SVEP1: variants seen among roughly 807,000 people sequenced by gnomAD.
The protein encoded by SVEP1 is sushi, von Willebrand factor type A, EGF and pentraxin domain containing 1.
SVEP1 carries 164 observed loss-of-function variants against 367.3 expected under a neutral mutation model. That is an observed-to-expected ratio of 0.45 (90% CI 0.39 to 0.51). The LOEUF (loss-of-function observed/expected upper bound fraction) is 0.51. SVEP1 is among the 20% of genes least tolerant of loss of function. SVEP1 has a pLI of 0.00. For missense variants in SVEP1, 4,117 were observed against 4,425.3 expected (o/e 0.93, Z 1.98); for synonymous variants, 1,666 against 1,611.6 (o/e 1.03, Z -0.81).
chr9:110,409,099 A>G (rs1588039612), intron 37 of SVEP1, 148 bp from the exon 38 acceptor site: 1 of 960,166 alleles, frequency 1.0e-6, no homozygotes, highest in East Asian at 2.7e-5. Flanking sequence ...GGTTTTTCCA[A>G]TAGATCCATT....
At chr9:110,387,154 T>G in intron 42 of SVEP1, 131 bp downstream of exon 42, 1 of 842,732 alleles carries the variant, frequency 1.2e-6, no homozygotes, top group Admixed American at 3.0e-5. Context: ...AGAATTCAGC[T>G]TGGATAGGCA....
At chr9:110,525,265 C>A (rs75189789) in intron 3 of SVEP1, among the ~76,000 whole-genome samples, 4 of 152,034 alleles carry the variant, frequency 2.6e-5, no homozygotes, top group Non-Finnish European at 5.9e-5. Context: ...AGCAAAGTTG[C>A]AGGACACAAT....
intron 22 of SVEP1, 150 bp from the exon 23 acceptor site, chr9:110,451,552 CTTCTA>C (rs1333138433): frequency 1.3e-5 from 7 of 559,940 alleles, no homozygotes; most frequent in Non-Finnish European, 2.1e-5. Context: ...TAAAATGTTT[CTTCTA>C]TTCTGTGAAC....
intron 13 of SVEP1, among the ~76,000 whole-genome samples, chr9:110,479,311 ATCT>A (rs1046875150): frequency 1.8e-4 from 27 of 152,202 alleles, no homozygotes; most frequent in Non-Finnish European, 2.9e-5. Context: ...GTGTCCAATT[ATCT>A]TCTTATCATA....
Position 110,472,303 on chromosome 9 carries a change from C to T in SVEP1, c.2620G>A (p.Ala874Thr), listed in dbSNP as rs1419559181. ...TCGTAAGAGTAATCCAGCCTATTAG[C>T]TGCACCCCAGCCACCTGGTCCTGGA... Reference protein sequence around the residue: ...FAIGPGGWGAANRLDYSYDDF... With the variant: ...FAIGPGGWGATNRLDYSYDDF... Residue 874 changes from alanine (A) to threonine (T), a missense_variant, in exon 15 of 48, where the codon GCT becomes ACT. Ala to Thr is a moderately conservative substitution (Grantham distance 58, BLOSUM62 0). Around this residue, in one of 4 missense-constraint regions of SVEP1, gnomAD observed 2,174 missense variants for 2,494.3 expected, o/e 0.87. Transcript: ENST00000374469. 1.3e-6 allele frequency: 2 copies of T among 1,598,594 alleles called. No homozygotes were observed. The highest frequency in any genetic ancestry group is 1.7e-6 in the Non-Finnish European group (2 of 1,175,438).
In SVEP1 at chr9:110,427,621, C is replaced by T; in HGVS notation, c.5945G>A (p.Arg1982Lys). Residue 1982 changes from arginine (R) to lysine (K), a missense_variant, in exon 36 of 48, where the codon AGG (arginine) becomes AAG (lysine). Arg to Lys is a conservative substitution (Grantham distance 26). This residue lies in a region of SVEP1 where 2,174 missense variants were observed against 2,494.3 expected (regional missense o/e 0.87). Transcript: ENST00000374469. ...TTTGCAAGTGTAAGTGACGGTGTTC[C>T]TGAAAGTGAAGTTATTCCCCGTAAT... ...AVITGNNFTF[R>K]NTVTYTCKEG... The T allele has an allele frequency of 1.2e-6, 2 of 1,613,726 alleles. No homozygotes were observed. The highest frequency in any genetic ancestry group is 2.7e-5 in the African/African-American group (2 of 75,012).
chr9:110,415,154 A>G (rs953375666), intron 36 of SVEP1, among the ~76,000 whole-genome samples: 1 of 152,118 alleles, frequency 6.6e-6, no homozygotes, highest in Non-Finnish European at 1.5e-5. Context: ...AGTTTAGGGT[A>G]GGACACAGAA....
At chr9:110,519,717 T>C (rs1196891226) in intron 3 of SVEP1, among the ~76,000 whole-genome samples, 1 of 151,312 alleles carries the variant, frequency 6.6e-6, no homozygotes, top group African/African-American at 2.4e-5. Context: ...TGATGGAGAG[T>C]GGAGGGTGGG....
chr9:110,503,110 T>G lies in SVEP1; in HGVS notation c.1411A>C (p.Arg471=). Residue 471 remains arginine (R), a synonymous_variant, in exon 6 of 48, where the codon AGA becomes CGA. Coordinates refer to ENST00000374469, the MANE Select transcript of SVEP1 (RefSeq NM_153366.4). The part of the protein sequence containing the change: ...TCLVACDEGY[R]LEGSDKLTCQ... ...GTAAGCTTATCACTGCCTTCTAGTC[T>G]GTACCCTTCATCACAGGCAACCAAA... is the stretch of plus-strand genomic sequence containing the variant. The G allele has an allele frequency of 6.2e-7, 1 of 1,612,346 alleles. No individual in the cohort carries two copies.
At chr9:110,512,676 G>A (rs1829738164) in intron 5 of SVEP1, 1 of 513,772 alleles carries the variant, frequency 1.9e-6, no homozygotes, top group African/African-American at 1.9e-5. Flanking sequence ...GGGGTAACCT[G>A]TCCATTTACT....
Position 110,369,922 on chromosome 9 carries a change from C to T in SVEP1, c.10694+1G>A. The T allele has an allele frequency of 6.2e-7, 1 of 1,611,156 alleles. No individual in the cohort carries two copies. The highest frequency in any genetic ancestry group is 8.5e-7 in the Non-Finnish European group (1 of 1,178,574). On this transcript the variant is annotated splice_donor_variant, in intron 47 of 47. Transcript: ENST00000374469. LOFTEE classifies it high-confidence loss of function. ...CGAACATTAGTTTTTGGTTATCTTACCTGGAACAGTTATGTCCCGTCCAAG... is the reference window on the plus strand; with the variant it reads ...CGAACATTAGTTTTTGGTTATCTTATCTGGAACAGTTATGTCCCGTCCAAG...
intron 5 of SVEP1, among the ~76,000 whole-genome samples, chr9:110,510,219 G>T (rs1829686471): frequency 6.6e-6 from 1 of 152,202 alleles, no homozygotes; most frequent in Non-Finnish European, 1.5e-5. Flanking sequence ...GCTTCTCTTA[G>T]ACCTTCCATG....
chr9:110,562,095 C>T lies in SVEP1; in HGVS notation c.532-11991G>A, dbSNP rs546532061. The stretch of plus-strand genomic sequence containing the variant: ...CAGTACATCAAATTGGGAAATGGTA[C>T]GCACAGGAGTTGATGAGTAGCAGAC... On this transcript the variant is annotated intron_variant, in intron 1 of 47. Coordinates refer to ENST00000374469, the MANE Select transcript of SVEP1 (RefSeq NM_153366.4). 9.9e-5 allele frequency among the ~76,000 whole-genome samples: 15 copies of T among 151,788 alleles called. No individual in the cohort carries two copies. The South Asian group carries it at 1.0e-3, about 11-fold the overall frequency.
intron 45 of SVEP1, among the ~76,000 whole-genome samples, chr9:110,376,161 C>T (rs895451671): frequency 1.3e-5 from 2 of 152,230 alleles, no homozygotes; most frequent in Admixed American, 1.3e-4. Flanking sequence ...GTTAGCAATG[C>T]AGATATCAGG....
Position 110,408,805 on chromosome 9 carries a change from T to A in SVEP1, c.6795A>T (p.Gly2265=). The change falls in exon 38 of 48, where the codon GGA becomes GGT. Residue 2265 remains glycine, a synonymous_variant. Transcript: ENST00000374469. The part of the protein sequence containing the change: ...SPLMCVPLDC[G]KPPPIQNGFM... ...AGCCATTCTGGATCGGGGGAGGTTTTCCACAGTCGAGAGGAACACACATCA... is the reference window on the plus strand; with the variant it reads ...AGCCATTCTGGATCGGGGGAGGTTTACCACAGTCGAGAGGAACACACATCA... The A allele has an allele frequency of 6.2e-7, 1 of 1,613,138 alleles. No homozygotes were observed. The highest frequency in any genetic ancestry group is 1.1e-5 in the South Asian group (1 of 91,082).
chr9:110,410,760 G>A (rs1176903451), intron 37 of SVEP1, among the ~76,000 whole-genome samples: 1 of 152,140 alleles, frequency 6.6e-6, no homozygotes, highest in Non-Finnish European at 1.5e-5. Flanking sequence ...CTTCTGAATA[G>A]TGGGTTCATC....
At chr9:110,455,369 C>T (rs1160268278) in intron 22 of SVEP1, among the ~76,000 whole-genome samples, 3 of 152,158 alleles carry the variant, frequency 2.0e-5, no homozygotes, top group Admixed American at 6.5e-5. Flanking sequence ...TTTTATAAAG[C>T]AATTACATAC....
intron 22 of SVEP1, among the ~76,000 whole-genome samples, chr9:110,453,375 A>G (rs890065465): frequency 1.4e-4 from 21 of 152,264 alleles, no homozygotes; most frequent in African/African-American, 4.8e-4. Flanking sequence ...TAACAAGGGA[A>G]TTGAGAATAA....
chr9:110,425,787 C>T (rs1828244841), intron 36 of SVEP1, among the ~76,000 whole-genome samples: 1 of 152,142 alleles, frequency 6.6e-6, no homozygotes, highest in Non-Finnish European at 1.5e-5. Context: ...TAAATCTGTA[C>T]ATGTAGCATC....
Sources: allele counts gnomAD v4.1 joint callset (sites outside exome capture counted in the v4.1 genomes callset), GRCh38; gene constraint gnomAD v4.1.1; regional missense constraint gnomAD v4.1.1; transcripts MANE v1.5; gene names NCBI Gene and HGNC (gene_info 2026-07-23, HGNC 2026-07-21).